The following CCDC127 variants were observed in gnomAD, a reference collection of about 807,000 sequenced individuals.
The protein encoded by CCDC127 is coiled-coil domain containing 127, also known as coiled-coil domain-containing protein 127.
CCDC127 carries 2 observed loss-of-function variants against 4.1 expected under a neutral mutation model. That is an observed-to-expected ratio of 0.49 (90% confidence interval 0.20 to 1.53). The LOEUF (loss-of-function observed/expected upper bound fraction) is 1.53, where lower values mean the gene tolerates loss of function less well. CCDC127 is among the 40% of genes most tolerant of loss of function. The pLI, the probability that CCDC127 is intolerant of heterozygous loss-of-function variation, is 0.23. For missense variants in CCDC127, 271 were observed against 322.9 expected, an observed-to-expected ratio of 0.84 and a Z score of 1.23; for synonymous variants, 98 against 120.4, an observed-to-expected ratio of 0.81 and a Z score of 1.22.
rs3932940 is a variant in CCDC127, at chr5:202,167, C to T, written c.*3130G>A. ...GTGGAGTTACCAAATGGCACAGCAC[C>T]GTGTAACTATTCCAAACCGACCACA... On this transcript the variant is annotated 3_prime_UTR_variant, in exon 3 of 3. Transcript: ENST00000296824. The T allele has an allele frequency of 0.6, 92,078 of 152,228 alleles. 28,249 individuals carry two copies. Among genetic ancestry groups the T allele is most frequent in the Non-Finnish European group, 0.64 (43,243 of 68,008 alleles). The allele number at this position is 152,228 out of a possible 1,614,324, so 9.4% of individuals were successfully genotyped here.
At position 201,446 on chromosome 5, in the gene CCDC127, TG is replaced by T. The variant is rs1734074138; in HGVS notation, c.*3850del. The T allele has an allele frequency of 1.3e-5, 2 of 152,242 alleles. No homozygotes were observed. The highest frequency in any genetic ancestry group is 4.1e-4 in the South Asian group (2 of 4,832). 9.4% of individuals were successfully genotyped at this position (152,242 alleles called of 1,614,324 possible). A position where few individuals can be genotyped will look rare whatever the true frequency, so the allele number is the denominator to read the frequency against. Reference sequence around the variant, plus strand: ...TTGAAAGAACACACAGATCATTTGGTGAAGTTTTTCCGTTGAAACACCCCAT... The same window carrying T: ...TTGAAAGAACACACAGATCATTTGGTAAGTTTTTCCGTTGAAACACCCCAT... On this transcript the variant is annotated 3_prime_UTR_variant, in exon 3 of 3. Coordinates refer to ENST00000296824, the MANE Select transcript of CCDC127 (RefSeq NM_145265.3).
At chr5:206,482 T>C (rs1368961666) in intron 2 of CCDC127, among the ~76,000 whole-genome samples, 1 of 152,208 alleles carries the variant, frequency 6.6e-6, no homozygotes, top group Non-Finnish European at 1.5e-5. Flanking sequence ...GGGACGAAGA[T>C]TGCTGGGAGG....
At chr5:215,654 A>G (rs1734366717) in intron 2 of CCDC127, 1 of 152,038 alleles carries the variant, frequency 6.6e-6, no homozygotes, top group African/African-American at 2.4e-5. Context: ...TGCGCAGATC[A>G]CTGAATCATA....
At chr5:214,235 T>G (rs1032467842) in intron 2 of CCDC127, 7 of 152,232 alleles carry the variant, frequency 4.6e-5, no homozygotes, top group African/African-American at 1.7e-4. Context: ...TTGGGGTATC[T>G]TGACCGCATC....
rs771243949 is a variant in CCDC127 at position 205,479 on chromosome 5, C to T, written c.601G>A (p.Ala201Thr). 5.0e-6 allele frequency: 8 copies of T among 1,613,990 alleles called. No individual in the cohort carries two copies. The highest frequency in any genetic ancestry group is 1.1e-5 in the South Asian group (1 of 91,076). The change falls in exon 3 of 3, where the codon GCT becomes ACT. Residue 201 changes from alanine (A) to threonine (T), a missense_variant. Ala to Thr is a moderately conservative substitution (Grantham distance 58, BLOSUM62 0). Transcript: ENST00000296824. ...LVRASVDPVAADLEMAAGLTD... is the reference protein window; with the variant it reads ...LVRASVDPVATDLEMAAGLTD... The stretch of plus-strand genomic sequence containing the variant: ...AGACCGGCTGCCATCTCTAGGTCAG[C>T]GGCGACGGGGTCGACGGACGCTCGC...
Position 204,471 on chromosome 5 carries a change from A to G in CCDC127, c.*826T>C, listed in dbSNP as rs952191170. On this transcript the variant is annotated 3_prime_UTR_variant, in exon 3 of 3. Coordinates refer to ENST00000296824, the MANE Select transcript of CCDC127 (RefSeq NM_145265.3). ...GCTGTGGTAAACAATGAGATAATAC[A>G]TATAAAAATATTTTGTAAAGAGTGA... The G allele has an allele frequency of 1.3e-5, 2 of 152,224 alleles. No homozygotes were observed. Among genetic ancestry groups the G allele is most frequent in the Non-Finnish European group, 2.9e-5 (2 of 68,050 alleles). The allele number at this position is 152,224 out of a possible 1,614,324, so 9.4% of individuals were successfully genotyped here. A position where few individuals can be genotyped will look rare whatever the true frequency, so the allele number is the denominator to read the frequency against.
chr5:205,137 T>C lies in CCDC127; in HGVS notation c.*160A>G. 1.6e-6 allele frequency: 1 copy of C among 633,510 alleles called. No individual in the cohort carries two copies. Among genetic ancestry groups the C allele is most frequent in the Non-Finnish European group, 2.7e-6 (1 of 371,728 alleles). The allele number at this position is 633,510 out of a possible 1,614,324, so 39.2% of individuals were successfully genotyped here. A position where few individuals can be genotyped will look rare whatever the true frequency, so the allele number is the denominator to read the frequency against. ...AGACCCTCTGTCTCTGAGGCTTCGGTGCACTTCTGCTCAGACGGTGGCGGG... is the reference window on the plus strand; with the variant it reads ...AGACCCTCTGTCTCTGAGGCTTCGGCGCACTTCTGCTCAGACGGTGGCGGG... On this transcript the variant is annotated 3_prime_UTR_variant, in exon 3 of 3. Transcript: ENST00000296824.
Position 205,345 on chromosome 5 carries a change from GACA to G in CCDC127, c.732_734del (p.Val245del), listed in dbSNP as rs1579357435. Reference sequence around the variant, plus strand: ...CTACTCTCTTAAACTTCTTCAGTTCGACAACGAGTTCCCAGTATTTGAGATAGA... The same window carrying G: ...CTACTCTCTTAAACTTCTTCAGTTCGACGAGTTCCCAGTATTTGAGATAGA... On this transcript the variant is annotated inframe_deletion, in exon 3 of 3. Coordinates refer to ENST00000296824, the MANE Select transcript of CCDC127 (RefSeq NM_145265.3). The G allele has an allele frequency of 3.1e-6, 5 of 1,613,730 alleles. No individual in the cohort carries two copies. The highest frequency in any genetic ancestry group is 2.2e-5 in the East Asian group (1 of 44,880).
chr5:217,435 C>G, intron 1 of CCDC127, among the ~76,000 whole-genome samples: 1 of 152,198 alleles, frequency 6.6e-6, no homozygotes, highest in Non-Finnish European at 1.5e-5. Flanking sequence ...CAATTCCTCA[C>G]GTCTCCCTTC....
chr5:208,099 C>G (rs10512618), intron 2 of CCDC127, among the ~76,000 whole-genome samples: 11 of 152,052 alleles, frequency 7.2e-5, no homozygotes, highest in South Asian at 2.1e-4. Context: ...TTTGGGCACA[C>G]GCAACTTTTC....
Position 202,909 on chromosome 5 carries a change from G to T in CCDC127, c.*2388C>A, listed in dbSNP as rs911531311. Reference sequence around the variant, plus strand: ...CATCAGGAAGTACAAACAACAACAGGAAGAGTTTTGTCCAGATTTACCGAA... The same window carrying T: ...CATCAGGAAGTACAAACAACAACAGTAAGAGTTTTGTCCAGATTTACCGAA... On this transcript the variant is annotated 3_prime_UTR_variant, in exon 3 of 3. Coordinates refer to ENST00000296824, the MANE Select transcript of CCDC127 (RefSeq NM_145265.3). 2.0e-5 allele frequency: 3 copies of T among 152,176 alleles called. No individual in the cohort carries two copies. The highest frequency in any genetic ancestry group is 4.4e-5 in the Non-Finnish European group (3 of 68,044). The allele number at this position is 152,176 out of a possible 1,614,324, so 9.4% of individuals were successfully genotyped here. A position where few individuals can be genotyped will look rare whatever the true frequency, so the allele number is the denominator to read the frequency against.
intron 2 of CCDC127, among the ~76,000 whole-genome samples, chr5:211,300 T>G (rs2126510357): frequency 1.1e-5 from 1 of 94,634 alleles, no homozygotes; most frequent in Non-Finnish European, 2.1e-5. Context: ...ATGCTCGACA[T>G]CGCACACTGC....
At position 209,895 on chromosome 5, in the gene CCDC127, C is replaced by T. The variant is rs532582962; in HGVS notation, c.122-3937G>A. Among the ~76,000 whole-genome samples the T allele has an allele frequency of 5.3e-5, 8 of 150,312 alleles. No homozygotes were observed. In the South Asian group the frequency reaches 8.4e-4, roughly 16 times the overall value. On this transcript the variant is annotated intron_variant, in intron 2 of 2. Coordinates refer to ENST00000296824, the MANE Select transcript of CCDC127 (RefSeq NM_145265.3). Reference sequence around the variant, plus strand: ...TCCATCAATTGAAACCAAAAAAAAACGGACCAAATTCAACACCTATTCATG... The same window carrying T: ...TCCATCAATTGAAACCAAAAAAAAATGGACCAAATTCAACACCTATTCATG...
chr5:210,446 A>C (rs1362119185), intron 2 of CCDC127, among the ~76,000 whole-genome samples: 1 of 98,964 alleles, frequency 1.0e-5, no homozygotes, highest in Non-Finnish European at 1.9e-5. Context: ...ACTCAACATT[A>C]AAAAACAAAC....
At chr5:209,122 T>C (rs1734236541) in intron 2 of CCDC127, among the ~76,000 whole-genome samples, 1 of 151,016 alleles carries the variant, frequency 6.6e-6, no homozygotes, top group Non-Finnish European at 1.5e-5. Context: ...CTTCGCAGCC[T>C]GGCCACACAC....
chr5:215,826 G>A (rs1476306524), intron 2 of CCDC127: 6 of 152,064 alleles, frequency 3.9e-5, no homozygotes, highest in African/African-American at 4.8e-5. Flanking sequence ...GTTCCTAAGT[G>A]CCAGCCCAGA....
chr5:218,135 C>A lies in CCDC127; in HGVS notation c.-53G>T. 8.1e-7 allele frequency: 1 copy of A among 1,235,504 alleles called. No individual in the cohort carries two copies. The highest frequency in any genetic ancestry group is 1.0e-6 in the Non-Finnish European group (1 of 987,534). The allele number at this position is 1,235,504 out of a possible 1,614,324, so 76.5% of individuals were successfully genotyped here. A position where few individuals can be genotyped will look rare whatever the true frequency, so the allele number is the denominator to read the frequency against. On this transcript the variant is annotated 5_prime_UTR_variant, in exon 1 of 3. Transcript: ENST00000296824. ...GGACCTCAGCGTTCCCTTAACGCCACCGTCCGCGGGTCCGCTTTGCGCAGG... is the reference window on the plus strand; with the variant it reads ...GGACCTCAGCGTTCCCTTAACGCCAACGTCCGCGGGTCCGCTTTGCGCAGG...
chr5:202,798 G>A lies in CCDC127; in HGVS notation c.*2499C>T, dbSNP rs562949344. 3.3e-5 allele frequency: 5 copies of A among 152,338 alleles called. No individual in the cohort carries two copies. Among genetic ancestry groups the A allele is most frequent in the South Asian group, 2.1e-4 (1 of 4,828 alleles). The allele number at this position is 152,338 out of a possible 1,614,324, so 9.4% of individuals were successfully genotyped here. A position where few individuals can be genotyped will look rare whatever the true frequency, so the allele number is the denominator to read the frequency against. ...GTGTTTTCTTCATTTAAAGACAAAC[G>A]TGGAGTGGTTCACACAGGGACACCC... On this transcript the variant is annotated 3_prime_UTR_variant, in exon 3 of 3. Transcript: ENST00000296824.
intron 2 of CCDC127, among the ~76,000 whole-genome samples, chr5:211,212 C>CACACACT (rs1560976513): frequency 8.7e-6 from 1 of 114,320 alleles, no homozygotes; most frequent in Admixed American, 8.2e-5. Context: ...TGCTCGACAT[C>CACACACT]GCACACTGCA....
Sources: allele counts gnomAD v4.1 joint callset (sites outside exome capture counted in the v4.1 genomes callset), GRCh38; gene constraint gnomAD v4.1.1; transcripts MANE v1.5; gene names NCBI Gene and HGNC (gene_info 2026-07-23, HGNC 2026-07-21).